DDB1: variants seen among roughly 807,000 people sequenced by gnomAD.
The protein encoded by DDB1 is damage specific DNA binding protein 1.
DDB1 carries 18 observed loss-of-function variants against 133.1 expected under a neutral mutation model. The observed-to-expected ratio is 0.14, with a 90% confidence interval of 0.09 to 0.20. The LOEUF (loss-of-function observed/expected upper bound fraction) is 0.20, where lower values mean the gene tolerates loss of function less well. Ranked by LOEUF, DDB1 falls within the 10% of genes least tolerant of loss-of-function variation. The pLI is 1.00. For synonymous variants in DDB1, 580 were observed against 550.5 expected, an observed-to-expected ratio of 1.05 and a Z score of -0.75; for missense variants, 828 against 1,459.2, an observed-to-expected ratio of 0.57 and a Z score of 7.05.
rs1855765525 is a variant in DDB1 at position 61,300,020 on chromosome 11, G to A, written c.*116C>T. On this transcript the variant is annotated 3_prime_UTR_variant, in exon 27 of 27. Coordinates refer to ENST00000301764, the MANE Select transcript of DDB1 (RefSeq NM_001923.5). The stretch of plus-strand genomic sequence containing the variant: ...CACATAGGGGAACTGTGGCTCTGGG[G>A]GCAGCTGGCTTAGGGAAAGGCCTCC... The A allele has an allele frequency of 2.1e-6, 2 of 960,702 alleles. No individual in the cohort carries two copies. Among genetic ancestry groups the A allele is most frequent in the East Asian group, 2.5e-5 (1 of 40,336 alleles). The allele number at this position is 960,702 out of a possible 1,614,324, so 59.5% of individuals were successfully genotyped here.
intron 21 of DDB1, among the ~76,000 whole-genome samples, chr11:61,308,192 C>T (rs1450226700): frequency 2.0e-5 from 3 of 152,210 alleles, no homozygotes; most frequent in African/African-American, 7.2e-5. Context: ...GGACTCATCT[C>T]TCACCAGAAC....
intron 21 of DDB1, among the ~76,000 whole-genome samples, chr11:61,304,569 G>A (rs767228499): frequency 5.3e-5 from 8 of 152,072 alleles, no homozygotes; most frequent in South Asian, 2.1e-4. Context: ...CTACCACCCC[G>A]CAAGAGGGAA....
chr11:61,327,350 T>C (rs1856287040), intron 4 of DDB1, among the ~76,000 whole-genome samples: 1 of 151,276 alleles, frequency 6.6e-6, no homozygotes, highest in Non-Finnish European at 1.5e-5. Flanking sequence ...GTGCCTACAG[T>C]CCCAGCTACT....
chr11:61,323,827 C>G (rs908293824), intron 7 of DDB1, 152 bp downstream of exon 7: 1 of 777,506 alleles, frequency 1.3e-6, no homozygotes, highest in Non-Finnish European at 2.1e-6. Context: ...CAATACCTAA[C>G]TCATTCAACA....
At position 61,322,343 on chromosome 11, in the gene DDB1, T is replaced by C. The variant is rs757876626; in HGVS notation, c.1075A>G (p.Ile359Val). 2 of 1,614,186 alleles carry C rather than the reference T, an allele frequency of 1.2e-6. No homozygotes were observed. The highest frequency in any genetic ancestry group is 8.5e-7 in the Non-Finnish European group (1 of 1,180,026). ...AGGTCCACCACGCACATATCGACAA[T>C]GGGTCCTAAGTTGGTAAAGGTTTCC... ...AMETFTNLGPIVDMCVVDLER... is the reference protein window; with the variant it reads ...AMETFTNLGPVVDMCVVDLER... The change falls in exon 9 of 27, where the codon ATT becomes GTT. Residue 359 changes from isoleucine (I) to valine (V), a missense_variant. Ile to Val is a conservative substitution (Grantham distance 29, BLOSUM62 3). Around this residue, in one of 7 missense-constraint regions of DDB1, gnomAD observed 35 missense variants for 123.3 expected, o/e 0.28. Transcript: ENST00000301764.
chr11:61,322,989 C>T lies in DDB1; in HGVS notation c.1005+22G>A, dbSNP rs41559112. 2,171 of 1,604,600 alleles carry T rather than the reference C, an allele frequency of 1.4e-3. 1 individual carries two copies. Among genetic ancestry groups the T allele is most frequent in the Non-Finnish European group, 1.6e-3 (1,934 of 1,174,016 alleles). ...AACAGTGAGTACAGCAAAAAAGAAA[C>T]CAGAAACAAGTGTCTTCTCACCTTC... On this transcript the variant is annotated intron_variant, in intron 8 of 26. Transcript: ENST00000301764.
At position 61,309,035 on chromosome 11, in the gene DDB1, A is replaced by G; in HGVS notation, c.2609T>C (p.Val870Ala). ...TVAEKEVKGA[V>A]YSMVEFNGKL... ...CCCGTTAAATTCCACCATAGAGTAC[A>G]CGGCCCCTTTCACTTCCTTTTCAGC... is the stretch of plus-strand genomic sequence containing the variant. The change falls in exon 21 of 27, where the codon GTG becomes GCG. Residue 870 changes from valine to alanine, a missense_variant. By Grantham distance (64) the Val-to-Ala change is moderately conservative (BLOSUM62 0). Around this residue, in one of 7 missense-constraint regions of DDB1, gnomAD observed 36 missense variants for 139.9 expected, o/e 0.26. Coordinates refer to ENST00000301764, the MANE Select transcript of DDB1 (RefSeq NM_001923.5). 1 of 1,614,116 alleles carries G rather than the reference A, an allele frequency of 6.2e-7. No homozygotes were observed.
At chr11:61,323,333 G>A (rs1856215904) in intron 7 of DDB1, 1 of 523,292 alleles carries the variant, frequency 1.9e-6, no homozygotes, top group South Asian at 2.5e-5. Context: ...GCATATTCCT[G>A]CTCCAAAAGA....
rs750246920 is a variant in DDB1 at position 61,309,874 on chromosome 11, T to C, written c.2488A>G (p.Ile830Val). 6.2e-6 allele frequency: 10 copies of C among 1,614,188 alleles called. No individual in the cohort carries two copies. Among genetic ancestry groups the C allele is most frequent in the South Asian group, 3.3e-5 (3 of 91,090 alleles). ...KLGKDPNTYF[I>V]VGTAMVYPEE... ...GGATACACCATTGCTGTGCCCACAA[T>C]GAAGTAAGTGTTGGGGTCTTTGCCC... The change falls in exon 20 of 27, where the codon ATT (isoleucine) becomes GTT (valine). Residue 830 changes from isoleucine to valine, a missense_variant. By Grantham distance (29) the Ile-to-Val change is conservative (BLOSUM62 3). Around this residue, in one of 7 missense-constraint regions of DDB1, gnomAD observed 396 missense variants for 554.1 expected, o/e 0.71. Transcript: ENST00000301764.
Position 61,325,746 on chromosome 11 carries a change from C to G in DDB1, c.665-38G>C. The stretch of plus-strand genomic sequence containing the variant: ...CAGCAAAATTAGAATGCTCAGCACT[C>G]TGGGTCTGCCAAACCAGGACTGGCA... On this transcript the variant is annotated intron_variant, in intron 5 of 26. Transcript: ENST00000301764. 4 of 1,551,490 alleles carry G rather than the reference C, an allele frequency of 2.6e-6. No homozygotes were observed. In the South Asian group the frequency reaches 3.4e-5, roughly 13 times the overall value.
chr11:61,304,104 T>C, intron 21 of DDB1, 69 bp from the exon 22 acceptor site: 2 of 1,571,278 alleles, frequency 1.3e-6, no homozygotes, highest in Non-Finnish European at 1.7e-6. Context: ...CCCCAACTCT[T>C]CGACCCTTCA....
chr11:61,311,924 C>T, intron 17 of DDB1, 29 bp from the exon 18 acceptor site: 3 of 1,613,984 alleles, frequency 1.9e-6, no homozygotes, highest in Non-Finnish European at 2.5e-6. Flanking sequence ...ACAACAGTGT[C>T]ACTTAGAAAG....
At chr11:61,322,251 T>C in intron 9 of DDB1, 45 bp downstream of exon 9, 1 of 1,458,132 alleles carries the variant, frequency 6.9e-7, no homozygotes, top group Non-Finnish European at 9.6e-7. Context: ...AGGACACAGT[T>C]TGAGTGGGCA....
intron 6 of DDB1, among the ~76,000 whole-genome samples, chr11:61,325,143 C>A (rs556295222): frequency 6.6e-6 from 1 of 151,366 alleles, no homozygotes; most frequent in African/African-American, 2.4e-5. Flanking sequence ...AGCAAAACTC[C>A]GTCTCAAAAA....
chr11:61,315,770 C>T (rs1246583914), intron 12 of DDB1: 2 of 152,796 alleles, frequency 1.3e-5, no homozygotes, highest in Non-Finnish European at 2.9e-5. Flanking sequence ...AGGCTATCTG[C>T]CCCCGTATTG....
At chr11:61,300,563 C>A (rs770421126) in intron 26 of DDB1, among the ~76,000 whole-genome samples, 1 of 152,256 alleles carries the variant, frequency 6.6e-6, no homozygotes, top group African/African-American at 2.4e-5. Flanking sequence ...TATGTCTTCA[C>A]TGCTCAAGGA....
At chr11:61,327,069 T>C (rs561263603) in intron 4 of DDB1, 176 bp from the exon 5 acceptor site, 26 of 612,850 alleles carry the variant, frequency 4.2e-5, no homozygotes, top group African/African-American at 3.9e-4. Flanking sequence ...GATGAATTCC[T>C]AGGTAGACTG....
intron 6 of DDB1, 126 bp downstream of exon 6, chr11:61,325,485 T>G: frequency 6.6e-6 from 5 of 759,956 alleles, no homozygotes; most frequent in Non-Finnish European, 1.1e-5. Flanking sequence ...CGCAATACCT[T>G]ATATACATAG....
chr11:61,309,997 A>G (rs762855422), intron 19 of DDB1, 37 bp from the exon 20 acceptor site: 1 of 1,613,878 alleles, frequency 6.2e-7, no homozygotes, highest in South Asian at 1.1e-5. Context: ...ATGACAGGTT[A>G]CCCATATCTG....
Sources: gnomAD v4.1 joint callset for allele counts (sites outside exome capture counted in the v4.1 genomes callset) on GRCh38, gnomAD v4.1.1 for gene constraint, gnomAD v4.1.1 regional missense constraint, MANE v1.5 for transcripts, NCBI Gene and HGNC (gene_info 2026-07-23, HGNC 2026-07-21) for gene names.